The following MPC2 variants were observed in gnomAD, a reference collection of about 807,000 sequenced individuals.
MPC2 encodes the protein mitochondrial pyruvate carrier 2.
A neutral mutation model predicts 19.2 loss-of-function variants in MPC2; 19 were observed. That is an observed-to-expected ratio of 0.99 (90% confidence interval 0.69 to 1.45). MPC2 has a LOEUF of 1.45. Among genes scored for constraint, MPC2 ranks in the 40% most tolerant of loss-of-function variants. The pLI, the probability that MPC2 is intolerant of heterozygous loss-of-function variation, is 0.00. For synonymous variants in MPC2, 61 were observed against 54.3 expected, an observed-to-expected ratio of 1.12 and a Z score of -0.54; for missense variants, 122 against 153.0, an observed-to-expected ratio of 0.80 and a Z score of 1.07.
intron 3 of MPC2, 46 bp from the exon 4 acceptor site, chr1:167,920,677 G>A: frequency 6.4e-7 from 1 of 1,558,352 alleles, no homozygotes; most frequent in Non-Finnish European, 8.7e-7. Flanking sequence ...CAAATGTGGA[G>A]TAATAGTTTT....
intron 3 of MPC2, among the ~76,000 whole-genome samples, chr1:167,921,237 T>A (rs1391228796): frequency 6.6e-6 from 1 of 152,090 alleles, no homozygotes; most frequent in Non-Finnish European, 1.5e-5. Flanking sequence ...ATCATTTTTT[T>A]TTTTTTAGAC....
chr1:167,927,972 TC>T (rs1460466324), intron 2 of MPC2, among the ~76,000 whole-genome samples: 1 of 152,202 alleles, frequency 6.6e-6, no homozygotes, highest in Non-Finnish European at 1.5e-5. Flanking sequence ...TGCTAATTTT[TC>T]TGAGATACTA....
Position 167,917,597 on chromosome 1 carries a change from CA to C in MPC2, c.*725del, listed in dbSNP as rs36120795. The C allele has an allele frequency of 0.057, 4,552 of 79,792 alleles. 158 individuals carry two copies. The highest frequency in any genetic ancestry group is 0.2 in the African/African-American group (4,112 of 20,198). 4.9% of individuals were successfully genotyped at this position (79,792 alleles called of 1,614,324 possible). On this transcript the variant is annotated 3_prime_UTR_variant, in exon 6 of 6. Coordinates refer to ENST00000271373, the MANE Select transcript of MPC2 (RefSeq NM_001143674.4). ...TGGGCCACAGAGCGAGACCCTGTCTCAAAAAAAAAAAAAAAAAAAAAGTCAC... is the reference window on the plus strand; with the variant it reads ...TGGGCCACAGAGCGAGACCCTGTCTCAAAAAAAAAAAAAAAAAAAAGTCAC...
intron 4 of MPC2, 114 bp downstream of exon 4, chr1:167,920,433 T>C: frequency 1.9e-6 from 2 of 1,068,784 alleles, no homozygotes; most frequent in East Asian, 2.6e-5. Flanking sequence ...ATACTGTTAA[T>C]TCCTTTGTGT....
chr1:167,936,491 C>T (rs1671228007), intron 1 of MPC2: 3 of 210,412 alleles, frequency 1.4e-5, no homozygotes, highest in African/African-American at 7.2e-5. Context: ...TTAGAGTGGC[C>T]CGAATGCATT....
chr1:167,928,957 A>G (rs952936597), intron 2 of MPC2, among the ~76,000 whole-genome samples: 7 of 152,378 alleles, frequency 4.6e-5, no homozygotes, highest in African/African-American at 1.4e-4. Flanking sequence ...ATTCTTTTAG[A>G]AAAAGAATTA....
intron 1 of MPC2, 107 bp downstream of exon 1, chr1:167,936,832 G>T (rs1196146099): frequency 1.5e-5 from 19 of 1,271,448 alleles, no homozygotes; most frequent in Non-Finnish European, 1.9e-5. Context: ...GTGCGGCTCG[G>T]GTGTTGAAAC....
chr1:167,930,901 A>C (rs1670888001), intron 2 of MPC2, among the ~76,000 whole-genome samples: 1 of 152,272 alleles, frequency 6.6e-6, no homozygotes, highest in Non-Finnish European at 1.5e-5. Flanking sequence ...GTTTAAAAGC[A>C]GGATAGCACA....
chr1:167,934,883 CAG>C (rs1671033934), intron 2 of MPC2, among the ~76,000 whole-genome samples: 1 of 151,960 alleles, frequency 6.6e-6, no homozygotes, highest in African/African-American at 2.4e-5. Context: ...GAAGAGGTAA[CAG>C]AATTCTAGAT....
rs758545042 is a variant in MPC2, at chr1:167,936,999, C to T, written c.-118G>A. The T allele has an allele frequency of 1.2e-6, 2 of 1,609,484 alleles. No individual in the cohort carries two copies. Among genetic ancestry groups the T allele is most frequent in the Non-Finnish European group, 1.7e-6 (2 of 1,178,594 alleles). On this transcript the variant is annotated 5_prime_UTR_variant, in exon 1 of 6. Coordinates refer to ENST00000271373, the MANE Select transcript of MPC2 (RefSeq NM_001143674.4). ...GGAGGACCCGTCCCGGCTGCGGAGTCGCTACCTGGGTGAGCGGGGGCCCCG... is the reference window on the plus strand; with the variant it reads ...GGAGGACCCGTCCCGGCTGCGGAGTTGCTACCTGGGTGAGCGGGGGCCCCG...
At chr1:167,925,442 CATATAT>C (rs369657697) in intron 2 of MPC2, among the ~76,000 whole-genome samples, 1,156 of 82,482 alleles carry the variant, frequency 0.014, 15 homozygotes, top group Admixed American at 0.033. Context: ...TACATATACA[CATATAT>C]ATATATATAT....
intron 2 of MPC2, among the ~76,000 whole-genome samples, chr1:167,925,442 C>CATAT (rs369657697): frequency 0.065 from 5,336 of 82,124 alleles, 223 homozygotes; most frequent in Non-Finnish European, 0.079. Flanking sequence ...TACATATACA[C>CATAT]ATATATATAT....
intron 2 of MPC2, among the ~76,000 whole-genome samples, chr1:167,926,745 G>A (rs1414968465): frequency 1.3e-5 from 2 of 152,166 alleles, no homozygotes; most frequent in Non-Finnish European, 2.9e-5. Flanking sequence ...CTGGCCTAGG[G>A]CGACTGATAA....
rs534035048 is a variant in MPC2, at chr1:167,916,902, C to A, written c.*1421G>T. On this transcript the variant is annotated 3_prime_UTR_variant, in exon 6 of 6. Coordinates refer to ENST00000271373, the MANE Select transcript of MPC2 (RefSeq NM_001143674.4). ...ATAGTTTGACTCTTCAGAACCTCTT[C>A]ATTGTGGCCTATGTCAAGCTCTCTA... is the stretch of plus-strand genomic sequence containing the variant. 6.6e-6 allele frequency: 1 copy of A among 152,340 alleles called. No individual in the cohort carries two copies. The highest frequency in any genetic ancestry group is 2.4e-5 in the African/African-American group (1 of 41,572). 9.4% of individuals were successfully genotyped at this position (152,340 alleles called of 1,614,324 possible). A position where few individuals can be genotyped will look rare whatever the true frequency, so the allele number is the denominator to read the frequency against.
intron 3 of MPC2, 115 bp from the exon 4 acceptor site, chr1:167,920,746 T>C (rs1670580289): frequency 1.0e-6 from 1 of 999,198 alleles, no homozygotes; most frequent in East Asian, 2.8e-5. Context: ...GCTATAATTT[T>C]AGTGTCCATT....
At chr1:167,918,873 G>T (rs1670533980) in intron 5 of MPC2, among the ~76,000 whole-genome samples, 1 of 152,196 alleles carries the variant, frequency 6.6e-6, no homozygotes, top group East Asian at 1.9e-4. Flanking sequence ...GATTACAGGA[G>T]TGAGCCACCA....
At chr1:167,925,938 T>C (rs1670746544) in intron 2 of MPC2, among the ~76,000 whole-genome samples, 1 of 152,208 alleles carries the variant, frequency 6.6e-6, no homozygotes, top group African/African-American at 2.4e-5. Context: ...CTTTTAATAG[T>C]TTTAAAATAT....
chr1:167,935,046 C>A (rs988529828), intron 2 of MPC2, among the ~76,000 whole-genome samples: 1 of 151,922 alleles, frequency 6.6e-6, no homozygotes, highest in East Asian at 1.9e-4. Flanking sequence ...TCTCATAGAC[C>A]GCGTATTACA....
chr1:167,922,889 G>A (rs1298162154), intron 3 of MPC2, among the ~76,000 whole-genome samples: 2 of 152,038 alleles, frequency 1.3e-5, no homozygotes, highest in Non-Finnish European at 2.9e-5. Context: ...ACAGGCAAAG[G>A]ACTTGAATAA....
Sources: gnomAD v4.1 joint callset for allele counts (sites outside exome capture counted in the v4.1 genomes callset) on GRCh38, gnomAD v4.1.1 for gene constraint, MANE v1.5 for transcripts, NCBI Gene and HGNC (gene_info 2026-07-23, HGNC 2026-07-21) for gene names.